Variants in NRXN1 observed in about 807,000 individuals in gnomAD.
NRXN1 encodes neurexin 1.
In NRXN1, 39 loss-of-function variants were observed where a neutral mutation model predicts 150.9. The ratio of observed to expected loss-of-function variants is 0.26; its 90% CI spans 0.20 to 0.34. The LOEUF (loss-of-function observed/expected upper bound fraction) is 0.34, where lower values mean the gene tolerates loss of function less well. NRXN1 is among the 10% of genes least tolerant of loss of function. The probability of loss-of-function intolerance (pLI) is 1.00; values close to 1 mark genes in which losing one functional copy is unlikely to be tolerated. For missense variants in NRXN1, 1,815 were observed against 1,949.9 expected (o/e 0.93, Z 1.30); for synonymous variants, 924 against 757.0 (o/e 1.22, Z -3.62).
intron 5 of NRXN1, among the ~76,000 whole-genome samples, chr2:50,850,742 GTTT>G (rs10559451): frequency 1.3e-5 from 2 of 150,272 alleles, no homozygotes; most frequent in South Asian, 4.2e-4. Context: ...TTAAACTAAG[GTTT>G]TTTTTTTTCC....
intron 19 of NRXN1, among the ~76,000 whole-genome samples, chr2:50,078,638 C>G (rs539330618): frequency 6.6e-6 from 1 of 151,970 alleles, no homozygotes; most frequent in African/African-American, 2.4e-5. Flanking sequence ...TTTTGTAATT[C>G]GTGTAGTTAA....
chr2:50,148,899 A>G (rs2058527539), intron 18 of NRXN1, among the ~76,000 whole-genome samples: 1 of 151,774 alleles, frequency 6.6e-6, no homozygotes, highest in African/African-American at 2.4e-5. Flanking sequence ...GACCACTGAC[A>G]ACATCTACAT....
intron 5 of NRXN1, among the ~76,000 whole-genome samples, chr2:50,661,601 A>G (rs761655772): frequency 6.6e-6 from 1 of 152,014 alleles, no homozygotes; most frequent in Non-Finnish European, 1.5e-5. Context: ...ATGGTCTCCT[A>G]TTTGCTACAT....
chr2:50,576,479 T>A (rs960314660), intron 8 of NRXN1, among the ~76,000 whole-genome samples: 3 of 152,134 alleles, frequency 2.0e-5, no homozygotes, highest in Non-Finnish European at 2.9e-5. Context: ...AAATCATGTT[T>A]TTACTCTTTT....
intron 5 of NRXN1, among the ~76,000 whole-genome samples, chr2:50,773,286 C>A (rs1703228024): frequency 6.6e-6 from 1 of 152,146 alleles, no homozygotes; most frequent in Non-Finnish European, 1.5e-5. Flanking sequence ...TCCAGAGGGT[C>A]TCTTTTCAGA....
At chr2:50,563,608 T>C (rs1354688692) in intron 8 of NRXN1, among the ~76,000 whole-genome samples, 2 of 152,152 alleles carry the variant, frequency 1.3e-5, no homozygotes, top group African/African-American at 4.8e-5. Flanking sequence ...GAGGTGAGGG[T>C]ACTTGCCTGA....
chr2:50,837,836 T>C (rs906876225), intron 5 of NRXN1, among the ~76,000 whole-genome samples: 2 of 152,116 alleles, frequency 1.3e-5, no homozygotes, highest in African/African-American at 4.8e-5. Context: ...CAATTTAGTT[T>C]TATTAGGAAA....
At chr2:50,935,124 T>A (rs1226962449) in intron 2 of NRXN1, among the ~76,000 whole-genome samples, 2 of 152,198 alleles carry the variant, frequency 1.3e-5, no homozygotes, top group Non-Finnish European at 2.9e-5. Context: ...AGAGTAGTTT[T>A]AAAATTAATT....
At chr2:50,597,791 T>TA (rs1275229954) in intron 8 of NRXN1, among the ~76,000 whole-genome samples, 3 of 152,088 alleles carry the variant, frequency 2.0e-5, no homozygotes, top group Admixed American at 2.0e-4. Flanking sequence ...TGAGTGAGTC[T>TA]AAAAAAATGA....
rs541935777 is a variant in NRXN1 at position 50,032,571 on chromosome 2, G to A, written c.4128+20700C>T. Among the ~76,000 whole-genome samples the A allele has an allele frequency of 8.5e-4, 129 of 152,170 alleles. 1 individual carries two copies. Among genetic ancestry groups the A allele is most frequent in the African/African-American group, 3.1e-3 (127 of 41,536 alleles). ...AGCTAAAAGCTGTTTCAAGTTCAGT[G>A]TTCTATGGACTAAACTGTGTTCCCG... On this transcript the variant is annotated intron_variant, in intron 21 of 22. Transcript: ENST00000401669.
intron 5 of NRXN1, among the ~76,000 whole-genome samples, chr2:50,920,524 A>G (rs1685864010): frequency 6.6e-6 from 1 of 151,794 alleles, no homozygotes; most frequent in Non-Finnish European, 1.5e-5. Context: ...GCATACATAC[A>G]AACACATATA....
At chr2:50,122,236 A>T (rs1703960822) in intron 18 of NRXN1, among the ~76,000 whole-genome samples, 1 of 152,256 alleles carries the variant, frequency 6.6e-6, no homozygotes, top group Non-Finnish European at 1.5e-5. Flanking sequence ...ATGAATCAAA[A>T]GTACCTTCTC....
chr2:50,371,924 C>A (rs2080058836), intron 17 of NRXN1, among the ~76,000 whole-genome samples: 1 of 152,004 alleles, frequency 6.6e-6, no homozygotes, highest in African/African-American at 2.4e-5. Flanking sequence ...CCAACCACCT[C>A]TCATGTTATC....
chr2:50,531,064 T>C (rs2093088641), intron 11 of NRXN1, among the ~76,000 whole-genome samples, 163 bp downstream of exon 11: 1 of 151,888 alleles, frequency 6.6e-6, no homozygotes. Context: ...AAATAAAAAA[T>C]AAAAAGATGC....
chr2:50,277,878 C>G (rs2070766525), intron 17 of NRXN1, among the ~76,000 whole-genome samples: 1 of 151,798 alleles, frequency 6.6e-6, no homozygotes. Context: ...CTACCTTGAT[C>G]AGAAATATGT....
chr2:50,500,158 C>T (rs528638447), intron 13 of NRXN1, among the ~76,000 whole-genome samples: 57 of 151,882 alleles, frequency 3.8e-4, no homozygotes, highest in Admixed American at 1.1e-3. Context: ...TAAATATTAC[C>T]TCCAGTTGTC....
intron 17 of NRXN1, among the ~76,000 whole-genome samples, chr2:50,315,723 G>A (rs1364403327): frequency 6.6e-6 from 1 of 152,052 alleles, no homozygotes; most frequent in Non-Finnish European, 1.5e-5. Context: ...GCCTATATGG[G>A]CCAGCTTATT....
At chr2:50,101,667 A>G (rs1017402760) in intron 18 of NRXN1, among the ~76,000 whole-genome samples, 1 of 152,058 alleles carries the variant, frequency 6.6e-6, no homozygotes, top group African/African-American at 2.4e-5. Context: ...ACATATCAAG[A>G]GATTAATGTA....
chr2:50,355,651 G>T (rs2078747221), intron 17 of NRXN1, among the ~76,000 whole-genome samples: 1 of 151,910 alleles, frequency 6.6e-6, no homozygotes, highest in Non-Finnish European at 1.5e-5. Context: ...TGCATTAATT[G>T]TTCTATCAAA....
Sources: allele counts gnomAD v4.1 joint callset (sites outside exome capture counted in the v4.1 genomes callset), GRCh38; gene constraint gnomAD v4.1.1; transcripts MANE v1.5; gene names NCBI Gene and HGNC (gene_info 2026-07-23, HGNC 2026-07-21).